Variants in HK1 observed in about 807,000 individuals in gnomAD.
HK1 encodes the protein hexokinase-1.
HK1 carries 28 observed loss-of-function variants against 91.6 expected under a neutral mutation model. That is an observed-to-expected ratio of 0.31 (90% CI 0.23 to 0.42). HK1 has a LOEUF of 0.42. HK1 is among the 10% of genes least tolerant of loss of function. The pLI is 1.00. For missense variants in HK1, 770 were observed against 1,219.8 expected, an observed-to-expected ratio of 0.63 and a Z score of 5.49; for synonymous variants, 430 against 468.1, an observed-to-expected ratio of 0.92 and a Z score of 1.05.
chr10:69,308,940 C>A (rs545181307), intron 5 of HK1, among the ~76,000 whole-genome samples: 20 of 152,182 alleles, frequency 1.3e-4, no homozygotes, highest in African/African-American at 4.3e-4. Context: ...GAAGCTCAGT[C>A]CCTAACAGGC....
intron 11 of HK1, 131 bp downstream of exon 11, chr10:69,384,612 G>A: frequency 1.4e-6 from 2 of 1,434,406 alleles, no homozygotes; most frequent in East Asian, 2.3e-5. Context: ...AGCACCAGAT[G>A]CTTTTTGCCA....
intron 2 of HK1, among the ~76,000 whole-genome samples, chr10:69,358,955 A>G (rs1396394595): frequency 6.6e-6 from 1 of 151,736 alleles, no homozygotes; most frequent in African/African-American, 2.4e-5. Flanking sequence ...GGCTGAAGTG[A>G]GAGGATCTTG....
At chr10:69,356,228 G>C (rs899037123) in intron 2 of HK1, among the ~76,000 whole-genome samples, 2 of 151,936 alleles carry the variant, frequency 1.3e-5, no homozygotes, top group African/African-American at 2.4e-5. Context: ...TTGAGCGAAG[G>C]CATTTGAGAC....
chr10:69,317,073 A>G (rs902199628), upstream of HK1, among the ~76,000 whole-genome samples: 1 of 152,218 alleles, frequency 6.6e-6, no homozygotes, highest in Non-Finnish European at 1.5e-5. Flanking sequence ...GGCACTCTCT[A>G]TGGAAAATAA....
At chr10:69,353,618 C>CAAAA (rs71471542) in intron 2 of HK1, among the ~76,000 whole-genome samples, 1 of 116,736 alleles carries the variant, frequency 8.6e-6, no homozygotes. Flanking sequence ...CAAACAAAAC[C>CAAAA]AAAAAAAAAA....
In HK1 at chr10:69,318,989, G is replaced by T. The variant is rs1173384276; in HGVS notation, c.42G>T (p.Leu14=). The T allele has an allele frequency of 1.2e-6, 2 of 1,603,494 alleles. No homozygotes were observed. Among genetic ancestry groups the T allele is most frequent in the Admixed American group, 3.4e-5 (2 of 59,190 alleles). Residue 14 remains leucine (L), a synonymous_variant, in exon 1 of 18, where the codon CTG becomes CTT. Coordinates refer to ENST00000359426, the MANE Select transcript of HK1 (RefSeq NM_000188.3). ...TCCTGGCCTATTACTTCACGGAGCTGAAGGATGACCAGGTCAAAAAGGTGA... is the reference window on the plus strand; with the variant it reads ...TCCTGGCCTATTACTTCACGGAGCTTAAGGATGACCAGGTCAAAAAGGTGA... ...AQLLAYYFTE[L]KDDQVKKIDK...
At chr10:69,303,789 A>T (rs757707907) in intron 5 of HK1, among the ~76,000 whole-genome samples, 43 of 152,250 alleles carry the variant, frequency 2.8e-4, no homozygotes, top group Non-Finnish European at 5.0e-4. Flanking sequence ...TAATTCACTC[A>T]GAGTCACCTT....
intron 7 of HK1, among the ~76,000 whole-genome samples, chr10:69,376,108 G>A (rs1839089444): frequency 6.6e-6 from 1 of 152,136 alleles, no homozygotes; most frequent in African/African-American, 2.4e-5. Context: ...TCCTGACAGC[G>A]GCCCCAGGGG....
chr10:69,357,021 T>C (rs181858284), intron 2 of HK1, among the ~76,000 whole-genome samples: 40 of 151,802 alleles, frequency 2.6e-4, no homozygotes, highest in Non-Finnish European at 5.3e-4. Flanking sequence ...GAAATGCAAA[T>C]TGATAAAGAA....
In HK1 at chr10:69,401,525, T is replaced by C. The variant is rs12216; in HGVS notation, c.*390T>C. 0.034 allele frequency: 11,891 copies of C among 353,706 alleles called. 883 individuals are homozygous for C. Among genetic ancestry groups the C allele is most frequent in the African/African-American group, 0.19 (8,658 of 46,758 alleles). 21.9% of individuals were successfully genotyped at this position (353,706 alleles called of 1,614,324 possible). A position where few individuals can be genotyped will look rare whatever the true frequency, so the allele number is the denominator to read the frequency against. The stretch of plus-strand genomic sequence containing the variant: ...GCCCATCCTTGGGGTTCCCCCTCCC[T>C]GTGTGAAATGTATTATCACCAGCAG... On this transcript the variant is annotated 3_prime_UTR_variant, in exon 18 of 18. Coordinates refer to ENST00000359426, the MANE Select transcript of HK1 (RefSeq NM_000188.3).
chr10:69,323,380 T>C (rs1847155146), intron 1 of HK1, among the ~76,000 whole-genome samples: 1 of 151,728 alleles, frequency 6.6e-6, no homozygotes, highest in Non-Finnish European at 1.5e-5. Flanking sequence ...TTTAGCCTGC[T>C]TTGGTGGCAT....
intron 4 of HK1, among the ~76,000 whole-genome samples, chr10:69,367,701 C>G (rs1204980644): frequency 6.6e-6 from 1 of 151,998 alleles, no homozygotes; most frequent in African/African-American, 2.4e-5. Context: ...TGAGCTACCT[C>G]TGCAGGCCTG....
At chr10:69,285,794 A>G (rs74357361) in intron 2 of HK1, among the ~76,000 whole-genome samples, 13,627 of 152,196 alleles carry the variant, frequency 0.09, 1,081 homozygotes, top group African/African-American at 0.21. Context: ...GCTGGTGGAA[A>G]CACCAGTTTC....
chr10:69,273,726 T>G (rs1844297689), intron 1 of HK1, among the ~76,000 whole-genome samples: 1 of 152,252 alleles, frequency 6.6e-6, no homozygotes, highest in African/African-American at 2.4e-5. Flanking sequence ...AACCTGCTCT[T>G]AAGCCTAGCC....
chr10:69,370,525 T>A (rs1053044619), intron 7 of HK1, among the ~76,000 whole-genome samples: 2 of 152,112 alleles, frequency 1.3e-5, no homozygotes, highest in African/African-American at 4.8e-5. Context: ...CTAAGGGAGA[T>A]GAGTGTCCAT....
At chr10:69,391,824 C>T (rs1417640070) in intron 14 of HK1, among the ~76,000 whole-genome samples, 2 of 152,110 alleles carry the variant, frequency 1.3e-5, no homozygotes, top group Non-Finnish European at 2.9e-5. Flanking sequence ...CATTGATGCT[C>T]CATCTCTTTG....
At chr10:69,356,808 G>A (rs1485783191) in intron 2 of HK1, among the ~76,000 whole-genome samples, 1 of 150,026 alleles carries the variant, frequency 6.7e-6, no homozygotes, top group Non-Finnish European at 1.5e-5. Context: ...GCTTGAACCC[G>A]GGAAGCAGAG....
chr10:69,350,985 A>G (rs140535218), intron 2 of HK1, among the ~76,000 whole-genome samples: 17,442 of 142,286 alleles, frequency 0.12, 1,252 homozygotes, highest in South Asian at 0.25. Context: ...CCTGGCTAAC[A>G]CAGTGAAACC....
In HK1 at chr10:69,400,985, T is replaced by C; in HGVS notation, c.2610-6T>C. On this transcript the variant is annotated splice_polypyrimidine_tract_variant and splice_region_variant and intron_variant, in intron 17 of 17. Coordinates refer to ENST00000359426, the MANE Select transcript of HK1 (RefSeq NM_000188.3). Reference sequence around the variant, plus strand: ...CAACTACCTTCTGTTTTCTCGTCCTTTTTAGCTTCTCCAGAATCATGCACC... The same window carrying C: ...CAACTACCTTCTGTTTTCTCGTCCTCTTTAGCTTCTCCAGAATCATGCACC... 1 of 1,614,212 alleles carries C rather than the reference T, an allele frequency of 6.2e-7. No individual in the cohort carries two copies. The highest frequency in any genetic ancestry group is 8.5e-7 in the Non-Finnish European group (1 of 1,180,042).
Sources: allele counts gnomAD v4.1 joint callset (sites outside exome capture counted in the v4.1 genomes callset), GRCh38; gene constraint gnomAD v4.1.1; transcripts MANE v1.5; gene names NCBI Gene and HGNC (gene_info 2026-07-23, HGNC 2026-07-21).